SOD2: variants seen among roughly 807,000 people sequenced by gnomAD.
SOD2 encodes superoxide dismutase 2, also known as superoxide dismutase [Mn], mitochondrial.
Under a neutral mutation model 27.0 loss-of-function variants are expected in SOD2, and 11 were observed. The observed-to-expected ratio is 0.41, with a 90% CI of 0.26 to 0.67. The LOEUF (loss-of-function observed/expected upper bound fraction) is 0.67. SOD2 is among the 30% of genes least tolerant of loss of function. SOD2 has a pLI of 0.34. For synonymous variants in SOD2, 105 were observed against 103.0 expected (o/e 1.02, Z -0.12); for missense variants, 250 against 274.5 (o/e 0.91, Z 0.63).
chr6:159,745,693 G>A (rs1779534038), upstream of SOD2, among the ~76,000 whole-genome samples: 1 of 152,180 alleles, frequency 6.6e-6, no homozygotes, highest in Admixed American at 6.5e-5. Flanking sequence ...AGAGATGTAT[G>A]TGATGGATCA....
upstream of SOD2, among the ~76,000 whole-genome samples, chr6:159,728,168 A>G (rs554182108): frequency 2.6e-5 from 4 of 152,244 alleles, no homozygotes; most frequent in Non-Finnish European, 4.4e-5. Flanking sequence ...GTAGACTTCC[A>G]TTTTTAAATG....
At chr6:159,703,102 G>T (rs951103479) in intron 1 of SOD2, among the ~76,000 whole-genome samples, 1 of 152,072 alleles carries the variant, frequency 6.6e-6, no homozygotes. Context: ...ATCACCTGAG[G>T]TTGGGAGTTC....
intron 1 of SOD2, among the ~76,000 whole-genome samples, chr6:159,753,822 A>G (rs1365154275): frequency 1.3e-5 from 2 of 152,194 alleles, no homozygotes; most frequent in African/African-American, 4.8e-5. Context: ...CTAATTCTTT[A>G]TTGTTCAAAA....
Position 159,671,566 on chromosome 6 carries a change from G to A in SOD2, c.*10927C>T, listed in dbSNP as rs1779666091. ...AGAAGGAAAACTAACAAACAGAAAGGACATCCACACCAAAACCCCATCTGC... is the reference window on the plus strand; with the variant it reads ...AGAAGGAAAACTAACAAACAGAAAGAACATCCACACCAAAACCCCATCTGC... On this transcript the variant is annotated 3_prime_UTR_variant, in exon 5 of 5. Coordinates refer to ENST00000538183, the MANE Select transcript of SOD2 (RefSeq NM_000636.4). 1 of 152,204 alleles carries A rather than the reference G, an allele frequency of 6.6e-6. No individual in the cohort carries two copies. The allele number at this position is 152,204 out of a possible 1,614,324, so 9.4% of individuals were successfully genotyped here.
At chr6:159,707,660 G>A (rs945331765) in intron 1 of SOD2, among the ~76,000 whole-genome samples, 3 of 149,096 alleles carry the variant, frequency 2.0e-5, no homozygotes, top group African/African-American at 5.0e-5. Flanking sequence ...AGGACTAGAC[G>A]GATTCACAGC....
At position 159,720,155 on chromosome 6, in the gene SOD2, G is replaced by A. The variant is rs551981404; in HGVS notation, c.-116+6974C>T. On this transcript the variant is annotated intron_variant, in intron 1 of 2. Coordinates refer to the SOD2 transcript ENST00000401980. ...AAGCGAATCTCCTGTCTCATCCTCC[G>A]GAGTAGCTGGGATTACAGACGCCCG... Among the ~76,000 whole-genome samples, 334 of 151,330 alleles carry A rather than the reference G, an allele frequency of 2.2e-3. 3 individuals are homozygous for A. Among genetic ancestry groups the A allele is most frequent in the African/African-American group, 6.7e-3 (277 of 41,160 alleles).
intron 1 of SOD2, among the ~76,000 whole-genome samples, chr6:159,712,527 A>ATAACCACCTCCATAACCACCACTCAG (rs1562438899): frequency 2.0e-5 from 2 of 100,938 alleles, no homozygotes; most frequent in Admixed American, 9.4e-5. Context: ...CACCACTCAC[A>ATAACCACCTCCATAACCACCACTCAG]CTGCTCTGAT....
In SOD2 at chr6:159,672,809, A is replaced by G. The variant is rs920912588; in HGVS notation, c.*9684T>C. 2 of 152,156 alleles carry G rather than the reference A, an allele frequency of 1.3e-5. No homozygotes were observed. The highest frequency in any genetic ancestry group is 2.9e-5 in the Non-Finnish European group (2 of 68,028). The allele number at this position is 152,156 out of a possible 1,614,324, so 9.4% of individuals were successfully genotyped here. ...AGACACAGACTGGCACACTGGATAA[A>G]GAGTCAAGACCCATCAGGGTGCTGT... is the stretch of plus-strand genomic sequence containing the variant. On this transcript the variant is annotated 3_prime_UTR_variant, in exon 5 of 5. Transcript: ENST00000538183.
chr6:159,743,705 A>G (rs1439950797), intron 1 of SOD2: 13 of 1,613,428 alleles, frequency 8.1e-6, no homozygotes, highest in Non-Finnish European at 1.1e-5. Flanking sequence ...AAGAAAAACT[A>G]AAGCAACAAC....
intron 2 of SOD2, chr6:159,691,833 T>C (rs1777212941): frequency 6.6e-6 from 1 of 152,220 alleles, no homozygotes; most frequent in African/African-American, 2.4e-5. Context: ...GCTATTTTCC[T>C]TGTGAACTTT....
rs2758327 is a variant in SOD2, at chr6:159,669,167, G to A, written c.*13326C>T. The A allele has an allele frequency of 0.4, 61,238 of 152,070 alleles. 13,635 individuals carry two copies. The highest frequency in any genetic ancestry group is 0.49 in the Non-Finnish European group (33,567 of 67,972). 9.4% of individuals were successfully genotyped at this position (152,070 alleles called of 1,614,324 possible). ...ATAAGGTACAAATAAAAGGCGTTCT[G>A]TCGGAATTATCATGCACTGTGGTGG... On this transcript the variant is annotated 3_prime_UTR_variant, in exon 5 of 5. Transcript: ENST00000538183.
In SOD2 at chr6:159,753,080, C is replaced by A. The variant is rs116156067; in HGVS notation, c.-335-4404G>T. 5.4e-3 allele frequency among the ~76,000 whole-genome samples: 819 copies of A among 152,284 alleles called. 6 individuals are homozygous for A. The highest frequency in any genetic ancestry group is 0.019 in the African/African-American group (788 of 41,564). ...GATGTTGCATGTACCTTTTCAAGAA[C>A]TTTTCTGATAAAGCGCTAGATTCCT... On this transcript the variant is annotated intron_variant, in intron 1 of 7. Transcript: ENST00000546087.
intron 1 of SOD2, chr6:159,739,171 C>A: frequency 1.4e-6 from 1 of 738,648 alleles, no homozygotes; most frequent in Non-Finnish European, 2.1e-6. Flanking sequence ...ATTTAATGTA[C>A]TTTTTGAGCA....
upstream of SOD2, chr6:159,693,334 C>A (rs5746091): frequency 1.3e-4 from 40 of 296,632 alleles, no homozygotes; most frequent in Admixed American, 1.2e-4. Context: ...CCCCGCCCCC[C>A]CCCCCCGCGG....
At chr6:159,743,616 T>C in intron 1 of SOD2, 1 of 1,534,238 alleles carries the variant, frequency 6.5e-7, no homozygotes, top group Non-Finnish European at 8.8e-7. Flanking sequence ...CAGAGGTATT[T>C]AGAACTTGAT....
Position 159,672,791 on chromosome 6 carries a change from G to A in SOD2, c.*9702C>T, listed in dbSNP as rs1273854463. 1 of 152,018 alleles carries A rather than the reference G, an allele frequency of 6.6e-6. No homozygotes were observed. Among genetic ancestry groups the A allele is most frequent in the Non-Finnish European group, 1.5e-5 (1 of 68,018 alleles). 9.4% of individuals were successfully genotyped at this position (152,018 alleles called of 1,614,324 possible). ...CTAAATGCTCCAATTAAAAGACACAGACTGGCACACTGGATAAAGAGTCAA... is the reference window on the plus strand; with the variant it reads ...CTAAATGCTCCAATTAAAAGACACAAACTGGCACACTGGATAAAGAGTCAA... On this transcript the variant is annotated 3_prime_UTR_variant, in exon 5 of 5. Transcript: ENST00000538183.
rs1779990356 is a variant in SOD2, at chr6:159,682,127, C to A, written c.*366G>T. On this transcript the variant is annotated 3_prime_UTR_variant, in exon 5 of 5. Coordinates refer to ENST00000538183, the MANE Select transcript of SOD2 (RefSeq NM_000636.4). ...GTGTTAATATTTTATTTTTAAGTAACTGGGGCAAAAGACTAGATTTTCTAT... is the reference window on the plus strand; with the variant it reads ...GTGTTAATATTTTATTTTTAAGTAAATGGGGCAAAAGACTAGATTTTCTAT... 6.4e-6 allele frequency: 1 copy of A among 156,540 alleles called. No homozygotes were observed. The highest frequency in any genetic ancestry group is 1.4e-5 in the Non-Finnish European group (1 of 71,080). The allele number at this position is 156,540 out of a possible 1,614,324, so 9.7% of individuals were successfully genotyped here. A position where few individuals can be genotyped will look rare whatever the true frequency, so the allele number is the denominator to read the frequency against.
At chr6:159,728,795 G>A (rs1182311911), upstream of SOD2, among the ~76,000 whole-genome samples, 1 of 152,214 alleles carries the variant, frequency 6.6e-6, no homozygotes, top group Admixed American at 6.5e-5. Context: ...AAGGGTTTGG[G>A]TAGGTGTGTT....
At chr6:159,761,901 T>TCCGCCCGCCC (rs1012334939) in exon 1 of SOD2, 4 of 434,004 alleles carry the variant, frequency 9.2e-6, no homozygotes, top group African/African-American at 6.5e-5. Context: ...CCCGCGCGCC[T>TCCGCCCGCCC]CCGCCCGCCC....
Sources: gnomAD v4.1 joint callset for allele counts (sites outside exome capture counted in the v4.1 genomes callset) on GRCh38, gnomAD v4.1.1 for gene constraint, MANE v1.5 for transcripts, NCBI Gene and HGNC (gene_info 2026-07-23, HGNC 2026-07-21) for gene names.